The following MICALL1 variants were observed in gnomAD, a reference collection of about 807,000 sequenced individuals.
MICALL1 encodes MICAL like 1, also known as MICAL-like protein 1.
A neutral mutation model predicts 83.7 loss-of-function variants in MICALL1; 61 were observed. That is an observed-to-expected ratio of 0.73 (90% confidence interval 0.59 to 0.90). The LOEUF is 0.90. Ranked by LOEUF, MICALL1 falls within the 40% of genes least tolerant of loss-of-function variation. The pLI is 0.00. For synonymous variants in MICALL1, 481 were observed against 473.6 expected, an observed-to-expected ratio of 1.02 and a Z score of -0.20; for missense variants, 1,066 against 1,152.0, an observed-to-expected ratio of 0.93 and a Z score of 1.08.
Position 37,925,753 on chromosome 22 carries a change from C to T in MICALL1, c.1175C>T (p.Pro392Leu), listed in dbSNP as rs375019304. The T allele has an allele frequency of 4.7e-5, 76 of 1,612,484 alleles. No homozygotes were observed. The highest frequency in any genetic ancestry group is 3.7e-4 in the Middle Eastern group (2 of 5,478). ...GCCCCACTTCCCCCAAGCAGCAGCCCGGGGCCACCAAGCCAGGACAGCAGG... is the reference window on the plus strand; with the variant it reads ...GCCCCACTTCCCCCAAGCAGCAGCCTGGGGCCACCAAGCCAGGACAGCAGG... ...KPAPLPPSSS[P>L]GPPSQDSRQV... Residue 392 changes from proline (P) to leucine (L), a missense_variant, in exon 8 of 16, where the codon CCG (proline) becomes CTG (leucine). Transcript: ENST00000215957.
intron 6 of MICALL1, among the ~76,000 whole-genome samples, chr22:37,922,796 G>GTTTTTTTTT (rs574266914): frequency 1.5e-3 from 105 of 69,150 alleles, no homozygotes; most frequent in Non-Finnish European, 2.1e-3. Flanking sequence ...GTTTTTTTTT[G>GTTTTTTTTT]TTTTTTTTTT....
At chr22:37,936,935 CG>C (rs1930159960) in intron 13 of MICALL1, 144 bp from the exon 14 acceptor site, 1 of 616,490 alleles carries the variant, frequency 1.6e-6, no homozygotes, top group Non-Finnish European at 2.8e-6. Flanking sequence ...CCCCACCTAT[CG>C]GGGCCCTTCC....
At chr22:37,937,822 G>A (rs373238439) in intron 15 of MICALL1, 30 bp downstream of exon 15, 30 of 1,612,534 alleles carry the variant, frequency 1.9e-5, no homozygotes, top group Non-Finnish European at 2.5e-5. Context: ...TGAGGCTGGT[G>A]AGCACTTGAA....
At position 37,925,008 on chromosome 22, in the gene MICALL1, C is replaced by T. The variant is rs112914423; in HGVS notation, c.1082+291C>T. On this transcript the variant is annotated intron_variant, in intron 7 of 15. Coordinates refer to ENST00000215957, the MANE Select transcript of MICALL1 (RefSeq NM_033386.4). The stretch of plus-strand genomic sequence containing the variant: ...TCCTTTGCCCTGTAACATGGGAGGC[C>T]GAGGCTTGATTATAGAGTTGATTTG... Among the ~76,000 whole-genome samples, 919 of 152,186 alleles carry T rather than the reference C, an allele frequency of 6.0e-3. 7 individuals are homozygous for T. Among genetic ancestry groups the T allele is most frequent in the African/African-American group, 0.018 (727 of 41,518 alleles).
rs1569144063 is a variant in MICALL1 at position 37,926,014 on chromosome 22, C to A, written c.1436C>A (p.Ala479Asp). 1 of 1,611,022 alleles carries A rather than the reference C, an allele frequency of 6.2e-7. No homozygotes were observed. Residue 479 changes from alanine to aspartate, a missense_variant, in exon 8 of 16, where the codon GCC (alanine) becomes GAC (aspartate). Ala to Asp is a moderately radical substitution (Grantham distance 126). Coordinates refer to ENST00000215957, the MANE Select transcript of MICALL1 (RefSeq NM_033386.4). The part of the protein sequence containing the change: ...TSSPKTKKRP[A>D]PRAPSASPLA... ...AGCCCCAAGACAAAGAAGCGCCCTG[C>A]CCCGCGCGCACCCAGCGCGTCCCCA...
chr22:37,937,136 G>A lies in MICALL1; in HGVS notation c.2365G>A (p.Val789Met). 1.3e-6 allele frequency: 2 copies of A among 1,551,594 alleles called. No homozygotes were observed. The highest frequency in any genetic ancestry group is 4.9e-5 in the East Asian group (2 of 40,900). ...AREKVLMQEL[V>M]TLIEQRNAII... ...GGAGAAGGTGCTGATGCAGGAGCTT[G>A]TGACCCTCATTGAGCAGCGCAACGC... Residue 789 changes from valine (V) to methionine (M), a missense_variant, in exon 14 of 16, where the codon GTG (valine) becomes ATG (methionine). Physicochemically the swap from Val to Met is conservative, Grantham distance 21. Transcript: ENST00000215957.
chr22:37,928,837 A>G (rs2145930837), intron 9 of MICALL1, among the ~76,000 whole-genome samples: 1 of 152,234 alleles, frequency 6.6e-6, no homozygotes, highest in East Asian at 1.9e-4. Context: ...TTAAAACCCT[A>G]TCCTGGCTGG....
chr22:37,919,283 G>GGGCTTATCCTGGCTTAT, intron 5 of MICALL1, 105 bp downstream of exon 5: 1 of 1,314,634 alleles, frequency 7.6e-7, no homozygotes, highest in South Asian at 1.9e-5. Flanking sequence ...TCACACCAGA[G>GGGCTTATCCTGGCTTAT]CCCCTGGCTT....
chr22:37,912,916 C>T (rs927879863), intron 3 of MICALL1, among the ~76,000 whole-genome samples: 3 of 151,650 alleles, frequency 2.0e-5, no homozygotes, highest in East Asian at 1.9e-4. Flanking sequence ...CCGCCTTGGC[C>T]TCCCCAAGTG....
At chr22:37,938,795 T>C (rs1930278950) in intron 15 of MICALL1, among the ~76,000 whole-genome samples, 1 of 152,044 alleles carries the variant, frequency 6.6e-6, no homozygotes, top group African/African-American at 2.4e-5. Flanking sequence ...GTACTTTTAG[T>C]AGAGATGGGG....
At chr22:37,927,331 T>C in intron 8 of MICALL1, 80 bp from the exon 9 acceptor site, 1 of 1,421,346 alleles carries the variant, frequency 7.0e-7, no homozygotes, top group Non-Finnish European at 9.3e-7. Flanking sequence ...TGCGGCTCTG[T>C]TGAGAGTGGA....
chr22:37,932,073 G>A lies in MICALL1; in HGVS notation c.2016+140G>A, dbSNP rs532396901. ...AGATGCTCAAGAGAGCACTCTTGGCGGCCCAACTGGAAGGTCTAGCTTGCA... is the reference window on the plus strand; with the variant it reads ...AGATGCTCAAGAGAGCACTCTTGGCAGCCCAACTGGAAGGTCTAGCTTGCA... On this transcript the variant is annotated intron_variant, in intron 10 of 15. Coordinates refer to ENST00000215957, the MANE Select transcript of MICALL1 (RefSeq NM_033386.4). The surrounding 1 kb of genome is among the most constrained non-coding windows in gnomAD (Gnocchi z 4.4). 9.3e-5 allele frequency: 120 copies of A among 1,283,616 alleles called. 1 individual carries two copies. Among genetic ancestry groups the A allele is most frequent in the African/African-American group, 9.0e-4 (60 of 66,868 alleles). 79.5% of individuals were successfully genotyped at this position (1,283,616 alleles called of 1,614,324 possible).
chr22:37,940,580 CCA>C, intron 15 of MICALL1, 127 bp from the exon 16 acceptor site: 7 of 1,142,936 alleles, frequency 6.1e-6, no homozygotes, highest in Non-Finnish European at 8.7e-6. Context: ...CTCCCAGGCT[CCA>C]CACAGGAAGT....
intron 3 of MICALL1, among the ~76,000 whole-genome samples, chr22:37,912,753 G>A (rs930372348): frequency 6.7e-6 from 1 of 148,804 alleles, no homozygotes; most frequent in Admixed American, 6.8e-5. Context: ...TGCAACCTCC[G>A]CCTCCTGGGT....
rs745882865 is a variant in MICALL1, at chr22:37,906,535, G to A, written c.113G>A (p.Cys38Tyr). The A allele has an allele frequency of 3.3e-6, 4 of 1,219,868 alleles. No individual in the cohort carries two copies. The highest frequency in any genetic ancestry group is 4.1e-6 in the Non-Finnish European group (4 of 970,676). 75.6% of individuals were successfully genotyped at this position (1,219,868 alleles called of 1,614,324 possible). A position where few individuals can be genotyped will look rare whatever the true frequency, so the allele number is the denominator to read the frequency against. Residue 38 changes from cysteine to tyrosine, a missense_variant, in exon 1 of 16, where the codon TGC (cysteine) becomes TAC (tyrosine). Physicochemically the swap from Cys to Tyr is radical, Grantham distance 194 (BLOSUM62 -2). Transcript: ENST00000215957. This position sits in a 1 kb window ranked among gnomAD's most constrained non-coding sequence, Gnocchi z 4.4. ...SSSFRDGLAF[C>Y]AILHRHRPDL... ...TCCTTCCGGGACGGCCTGGCCTTCT[G>A]CGCCATCCTGCACCGGCACCGGCCC... is the stretch of plus-strand genomic sequence containing the variant.
intron 5 of MICALL1, among the ~76,000 whole-genome samples, chr22:37,919,664 A>C (rs1928902959): frequency 6.8e-6 from 1 of 147,052 alleles, no homozygotes; most frequent in Non-Finnish European, 1.5e-5. Context: ...AAGGCCATTG[A>C]AAAAATAAAA....
Position 37,906,491 on chromosome 22 carries a change from G to C in MICALL1, c.69G>C (p.Glu23Asp). Residue 23 changes from glutamate to aspartate, a missense_variant, in exon 1 of 16, where the codon GAG becomes GAC. Physicochemically the swap from Glu to Asp is conservative, Grantham distance 45. Coordinates refer to ENST00000215957, the MANE Select transcript of MICALL1 (RefSeq NM_033386.4). The surrounding 1 kb of genome is among the most constrained non-coding windows in gnomAD (Gnocchi z 4.4). ...AGTGCGAGGGCTACCGCGGCGTGGA[G>C]ATCCGCGACCTGAGCAGCTCCTTCC... ...RRQCEGYRGVEIRDLSSSFRD... is the reference protein window; with the variant it reads ...RRQCEGYRGVDIRDLSSSFRD... The C allele has an allele frequency of 8.0e-7, 1 of 1,255,670 alleles. No individual in the cohort carries two copies. Among genetic ancestry groups the C allele is most frequent in the East Asian group, 3.7e-5 (1 of 27,258 alleles). 77.8% of individuals were successfully genotyped at this position (1,255,670 alleles called of 1,614,324 possible).
chr22:37,923,314 C>A (rs1929213127), intron 6 of MICALL1, among the ~76,000 whole-genome samples: 1 of 152,088 alleles, frequency 6.6e-6, no homozygotes, highest in Non-Finnish European at 1.5e-5. Context: ...GCAATCTCTG[C>A]CTTCCAGGTT....
chr22:37,926,042 G>A lies in MICALL1; in HGVS notation c.1464G>A (p.Leu488=), dbSNP rs768186913. ...CGCGCGCACCCAGCGCGTCCCCACT[G>A]GGTGAGTGCCTTTCCTGGAGCTCTC... is the stretch of plus-strand genomic sequence containing the variant. The part of the protein sequence containing the change: ...PAPRAPSASP[L]ALHASRLSHS... The change falls in exon 8 of 16, where the codon CTG becomes CTA. Residue 488 remains leucine, a splice_region_variant and synonymous_variant. Transcript: ENST00000215957. 2.2e-5 allele frequency: 35 copies of A among 1,588,356 alleles called. No individual in the cohort carries two copies. Among genetic ancestry groups the A allele is most frequent in the Non-Finnish European group, 3.0e-5 (35 of 1,164,958 alleles).
Sources: allele counts gnomAD v4.1 joint callset (sites outside exome capture counted in the v4.1 genomes callset), GRCh38; gene constraint gnomAD v4.1.1; non-coding constraint Gnocchi (gnomAD v3.1); transcripts MANE v1.5; gene names NCBI Gene and HGNC (gene_info 2026-07-23, HGNC 2026-07-21).